The following TMEM175 variants were observed in gnomAD, a reference collection of about 807,000 sequenced individuals.
The protein encoded by TMEM175 is transmembrane protein 175.
Under a neutral mutation model 36.5 loss-of-function variants are expected in TMEM175, and 36 were observed. The ratio of observed to expected loss-of-function variants is 0.99; its 90% CI spans 0.76 to 1.30. The LOEUF (loss-of-function observed/expected upper bound fraction) is 1.30, where lower values mean the gene tolerates loss of function less well. Ranked by LOEUF, TMEM175 falls within the 50% of genes most tolerant of loss-of-function variation. The pLI, the probability that TMEM175 is intolerant of heterozygous loss-of-function variation, is 0.00. For synonymous variants in TMEM175, 339 were observed against 313.4 expected (o/e 1.08, Z -0.86); for missense variants, 705 against 692.8 (o/e 1.02, Z -0.20).
chr4:941,722 C>T (rs2152998167), intron 1 of TMEM175, among the ~76,000 whole-genome samples: 1 of 152,008 alleles, frequency 6.6e-6, no homozygotes, highest in East Asian at 2.0e-4. Context: ...AGGAGTGAGC[C>T]ACCGCGCCCG....
At chr4:951,983 A>G (rs982071804) in intron 6 of TMEM175, 1 of 590,030 alleles carries the variant, frequency 1.7e-6, no homozygotes, top group East Asian at 2.8e-5. Context: ...TGCCCATCCC[A>G]GGCCTGTCCC....
At position 955,759 on chromosome 4, in the gene TMEM175, C is replaced by T; in HGVS notation, c.711C>T (p.His237=). 1 of 1,613,306 alleles carries T rather than the reference C, an allele frequency of 6.2e-7. No individual in the cohort carries two copies. Among genetic ancestry groups the T allele is most frequent in the Non-Finnish European group, 8.5e-7 (1 of 1,179,784 alleles). ...ACCCTCCTGGCGTGTCCCCAGGCCA[C>T]AGGGAGCCCTCGGCTCACCCAGTGG... ...TGWCRDRLLG[H]REPSAHPVEV... is the part of the protein sequence containing the mutation. The change falls in exon 10 of 11, where the codon CAC becomes CAT. Residue 237 remains histidine (H), a synonymous_variant. Transcript: ENST00000264771.
Position 958,460 on chromosome 4 carries a change from C to G in TMEM175, c.1479C>G (p.Asp493Glu). Residue 493 changes from aspartate to glutamate, a missense_variant, in exon 11 of 11, where the codon GAC becomes GAG. Coordinates refer to ENST00000264771, the MANE Select transcript of TMEM175 (RefSeq NM_032326.4). ...EHPPPAPTGQ[D>E]DPQSQLLPAP... Reference sequence around the variant, plus strand: ...CCCCGCCAGCCCCCACGGGCCAGGACGACCCACAGTCCCAGCTCCTCCCTG... The same window carrying G: ...CCCCGCCAGCCCCCACGGGCCAGGAGGACCCACAGTCCCAGCTCCTCCCTG... The G allele has an allele frequency of 6.3e-7, 1 of 1,575,214 alleles. No individual in the cohort carries two copies. Among genetic ancestry groups the G allele is most frequent in the Non-Finnish European group, 8.6e-7 (1 of 1,166,904 alleles).
intron 1 of TMEM175, among the ~76,000 whole-genome samples, chr4:936,919 G>A (rs535944890): frequency 2.6e-5 from 4 of 151,818 alleles, no homozygotes; most frequent in African/African-American, 9.7e-5. Flanking sequence ...ATTGAGCCAC[G>A]GCACTCCAGT....
At chr4:937,467 G>A (rs934567181) in intron 1 of TMEM175, among the ~76,000 whole-genome samples, 8 of 152,296 alleles carry the variant, frequency 5.3e-5, no homozygotes, top group Admixed American at 2.0e-4. Context: ...GGAGGCTGAG[G>A]GAGGAGAATC....
At chr4:956,294 C>A in intron 10 of TMEM175, 1 of 1,283,284 alleles carries the variant, frequency 7.8e-7, no homozygotes. Flanking sequence ...GGCTCCCTCC[C>A]AGTGCCCCCC....
In TMEM175 at chr4:932,892, A is replaced by G. The variant is rs1341879688; in HGVS notation, c.-32+352A>G. Reference sequence around the variant, plus strand: ...CTGCATTGCTCTGTCTTCCGAGGAGAGGGCCAGGGTCTGGCCTGGGGCAGT... The same window carrying G: ...CTGCATTGCTCTGTCTTCCGAGGAGGGGGCCAGGGTCTGGCCTGGGGCAGT... On this transcript the variant is annotated intron_variant, in intron 1 of 10. Coordinates refer to ENST00000264771, the MANE Select transcript of TMEM175 (RefSeq NM_032326.4). The surrounding 1 kb of genome is among the most constrained non-coding windows in gnomAD (Gnocchi z 4.0). 6.6e-6 allele frequency among the ~76,000 whole-genome samples: 1 copy of G among 152,100 alleles called. No individual in the cohort carries two copies. Among genetic ancestry groups the G allele is most frequent in the Non-Finnish European group, 1.5e-5 (1 of 68,028 alleles).
intron 7 of TMEM175, 48 bp from the exon 8 acceptor site, chr4:953,142 C>T: frequency 1.9e-6 from 3 of 1,542,920 alleles, no homozygotes; most frequent in Non-Finnish European, 2.6e-6. Flanking sequence ...GCTGTGGGGG[C>T]CCCCTCTGCT....
chr4:958,400 G>A lies in TMEM175; in HGVS notation c.1419G>A (p.Leu473=). ...RLLVGLALAT[L]RVLRGLARPE... ...TCGTGGGCCTGGCCCTGGCCACCCT[G>A]CGGGTCCTGCGGGGCCTCGCCCGGC... The change falls in exon 11 of 11, where the codon CTG becomes CTA. Residue 473 remains leucine (L), a synonymous_variant. Transcript: ENST00000264771. 6.3e-7 allele frequency: 1 copy of A among 1,599,986 alleles called. No individual in the cohort carries two copies.
At chr4:952,593 T>G (rs1560493139) in intron 7 of TMEM175, 143 bp downstream of exon 7, 1 of 556,210 alleles carries the variant, frequency 1.8e-6, no homozygotes, top group Non-Finnish European at 3.0e-6. Flanking sequence ...GTGTGTGTGT[T>G]CACCATCAGC....
At chr4:947,978 G>A (rs563589207) in intron 2 of TMEM175, 86 bp downstream of exon 2, 2 of 1,611,062 alleles carry the variant, frequency 1.2e-6, no homozygotes, top group Non-Finnish European at 1.7e-6. Flanking sequence ...TCTAGGTCTT[G>A]CCAGCATCCT....
Position 958,410 on chromosome 4 carries a change from C to G in TMEM175, c.1429C>G (p.Arg477Gly), listed in dbSNP as rs368248170. 1 of 1,599,098 alleles carries G rather than the reference C, an allele frequency of 6.3e-7. No individual in the cohort carries two copies. The highest frequency in any genetic ancestry group is 8.5e-7 in the Non-Finnish European group (1 of 1,178,724). The change falls in exon 11 of 11, where the codon CGG becomes GGG. Residue 477 changes from arginine (R) to glycine (G), a missense_variant. By Grantham distance (125) the Arg-to-Gly change is moderately radical. Coordinates refer to ENST00000264771, the MANE Select transcript of TMEM175 (RefSeq NM_032326.4). Reference sequence around the variant, plus strand: ...GGCCCTGGCCACCCTGCGGGTCCTGCGGGGCCTCGCCCGGCCCGAACACCC... The same window carrying G: ...GGCCCTGGCCACCCTGCGGGTCCTGGGGGGCCTCGCCCGGCCCGAACACCC... Reference protein sequence around the residue: ...GLALATLRVLRGLARPEHPPP... With the variant: ...GLALATLRVLGGLARPEHPPP...
At chr4:945,256 C>T (rs904075016) in intron 1 of TMEM175, among the ~76,000 whole-genome samples, 16 of 149,790 alleles carry the variant, frequency 1.1e-4, no homozygotes, top group African/African-American at 4.0e-4. Context: ...ACACACATGT[C>T]CGTTTACATT....
chr4:952,719 G>T (rs905039584), intron 7 of TMEM175, among the ~76,000 whole-genome samples: 5 of 148,768 alleles, frequency 3.4e-5, no homozygotes, highest in Admixed American at 3.3e-4. Flanking sequence ...GTGCGTGTGT[G>T]TTCACCATCA....
At chr4:954,208 C>A (rs750935096) in intron 8 of TMEM175, among the ~76,000 whole-genome samples, 1 of 151,550 alleles carries the variant, frequency 6.6e-6, no homozygotes, top group Non-Finnish European at 1.5e-5. Flanking sequence ...AGGCTGGTCT[C>A]GAACTCCTGA....
chr4:941,440 T>C (rs1384570716), intron 1 of TMEM175, among the ~76,000 whole-genome samples: 3 of 141,406 alleles, frequency 2.1e-5, no homozygotes, highest in African/African-American at 2.6e-5. Flanking sequence ...TCTATTTTTC[T>C]TTTTTTTTTT....
Position 953,258 on chromosome 4 carries a change from C to T in TMEM175, c.531C>T (p.His177=). ...LLSPQIQRSA[H]RALYRRHVLG... ...GCCCGCAGATCCAGCGCTCTGCCCA[C>T]AGGGCTCTGTACCGACGACACGTCC... is the stretch of plus-strand genomic sequence containing the variant. The change falls in exon 8 of 11, where the codon CAC becomes CAT. Residue 177 remains histidine (H), a synonymous_variant. Coordinates refer to ENST00000264771, the MANE Select transcript of TMEM175 (RefSeq NM_032326.4). 6.2e-7 allele frequency: 1 copy of T among 1,614,050 alleles called. No individual in the cohort carries two copies. Among genetic ancestry groups the T allele is most frequent in the Non-Finnish European group, 8.5e-7 (1 of 1,179,956 alleles).
chr4:949,756 C>T (rs535446958), intron 3 of TMEM175, among the ~76,000 whole-genome samples: 3 of 152,274 alleles, frequency 2.0e-5, no homozygotes, highest in Non-Finnish European at 4.4e-5. Flanking sequence ...CACCGCGGCC[C>T]CCAGGGCAGG....
chr4:946,754 G>A (rs1728187183), intron 1 of TMEM175, among the ~76,000 whole-genome samples: 1 of 152,208 alleles, frequency 6.6e-6, no homozygotes, highest in Admixed American at 6.5e-5. Flanking sequence ...CAGGCGGACT[G>A]GAGTGCCTGC....
Sources: allele counts gnomAD v4.1 joint callset (sites outside exome capture counted in the v4.1 genomes callset), GRCh38; gene constraint gnomAD v4.1.1; non-coding constraint Gnocchi (gnomAD v3.1); transcripts MANE v1.5; gene names NCBI Gene and HGNC (gene_info 2026-07-23, HGNC 2026-07-21).